MYO6: variants seen among roughly 807,000 people sequenced by gnomAD.
MYO6 encodes the protein unconventional myosin-VI.
A neutral mutation model predicts 178.7 loss-of-function variants in MYO6; 74 were observed. The observed-to-expected ratio is 0.41, with a 90% CI of 0.34 to 0.50. The LOEUF (loss-of-function observed/expected upper bound fraction) is 0.50. Ranked by LOEUF, MYO6 falls within the 20% of genes least tolerant of loss-of-function variation. The pLI, the probability that MYO6 is intolerant of heterozygous loss-of-function variation, is 0.09. For missense variants in MYO6, 1,330 were observed against 1,547.4 expected (o/e 0.86, Z 2.36); for synonymous variants, 477 against 504.6 (o/e 0.95, Z 0.73).
At chr6:75,780,712 A>G (rs897396137) in intron 1 of MYO6, among the ~76,000 whole-genome samples, 1 of 151,968 alleles carries the variant, frequency 6.6e-6, no homozygotes, top group Non-Finnish European at 1.5e-5. Flanking sequence ...ATATTTAATA[A>G]TTCCCTCTAT....
rs10080293 is a variant in MYO6, at chr6:75,890,380, T to C, written c.2867+115T>C. 3.7e-4 allele frequency: 530 copies of C among 1,437,624 alleles called. 3 individuals carry two copies. In the African/African-American group the frequency reaches 6.6e-3, roughly 18 times the overall value. The allele number at this position is 1,437,624 out of a possible 1,614,324, so 89.1% of individuals were successfully genotyped here. A position where few individuals can be genotyped will look rare whatever the true frequency, so the allele number is the denominator to read the frequency against. On this transcript the variant is annotated intron_variant, in intron 26 of 34. Transcript: ENST00000369977. ...TTTTGTTTTTGTGACAGGGTCTTGC[T>C]CTGTTGCCCAGGCTGGAGTGCAGTG...
At chr6:75,882,433 A>AC (rs1778116407) in intron 23 of MYO6, among the ~76,000 whole-genome samples, 2 of 152,100 alleles carry the variant, frequency 1.3e-5, no homozygotes, top group Non-Finnish European at 2.9e-5. Flanking sequence ...GATGTCTTTC[A>AC]AGATCATGTA....
At chr6:75,806,445 CAG>C (rs200279957) in intron 1 of MYO6, among the ~76,000 whole-genome samples, 2,540 of 151,874 alleles carry the variant, frequency 0.017, 67 homozygotes, top group African/African-American at 0.059. Context: ...TTCTTCCAGG[CAG>C]AAGTACATCA....
At chr6:75,809,961 G>A (rs941812997) in intron 1 of MYO6, among the ~76,000 whole-genome samples, 2 of 150,466 alleles carry the variant, frequency 1.3e-5, no homozygotes, top group Admixed American at 6.6e-5. Flanking sequence ...GCAGGTGCCT[G>A]TAGTCCTAGC....
chr6:75,851,534 G>T (rs977128473), intron 11 of MYO6, among the ~76,000 whole-genome samples: 1 of 152,020 alleles, frequency 6.6e-6, no homozygotes, highest in Non-Finnish European at 1.5e-5. Context: ...AGGATATGGT[G>T]GTTCTTGCGT....
chr6:75,867,181 T>G, intron 18 of MYO6, 76 bp downstream of exon 18: 1 of 1,201,748 alleles, frequency 8.3e-7, no homozygotes, highest in Non-Finnish European at 1.2e-6. Flanking sequence ...ATGGATAATG[T>G]AGATCACTGT....
chr6:75,827,652 G>A (rs1772624392), intron 3 of MYO6, among the ~76,000 whole-genome samples: 1 of 152,160 alleles, frequency 6.6e-6, no homozygotes. Flanking sequence ...TGGTATTGGA[G>A]CAGTAGAAAT....
chr6:75,775,224 G>A (rs997630172), intron 1 of MYO6, among the ~76,000 whole-genome samples: 9 of 152,098 alleles, frequency 5.9e-5, no homozygotes, highest in Admixed American at 5.2e-4. Flanking sequence ...TAATCCTCCC[G>A]GGATTTGGGA....
chr6:75,898,067 A>G (rs767992702), intron 29 of MYO6, among the ~76,000 whole-genome samples: 3 of 152,212 alleles, frequency 2.0e-5, no homozygotes. Flanking sequence ...GATTTAGACC[A>G]TGTTATTTGT....
chr6:75,876,531 C>T (rs1463345156), intron 20 of MYO6, among the ~76,000 whole-genome samples: 1 of 152,102 alleles, frequency 6.6e-6, no homozygotes, highest in African/African-American at 2.4e-5. Context: ...ATTTTTTTCC[C>T]CATTGGAATT....
intron 19 of MYO6, among the ~76,000 whole-genome samples, chr6:75,872,003 C>T (rs1777195359): frequency 6.6e-6 from 1 of 151,974 alleles, no homozygotes; most frequent in African/African-American, 2.4e-5. Flanking sequence ...GTGGGGCGCA[C>T]TTGTAATCCT....
At chr6:75,879,471 G>A (rs1410854519) in intron 20 of MYO6, among the ~76,000 whole-genome samples, 1 of 148,282 alleles carries the variant, frequency 6.7e-6, no homozygotes, top group Non-Finnish European at 1.5e-5. Context: ...TGCCCAGGCT[G>A]GTCTTGAACT....
In MYO6 at chr6:75,846,036, A is replaced by G. The variant is rs2150270217; in HGVS notation, c.897+1059A>G. ...ATTGTAGTTCTGTTTAAAACATCAT[A>G]TTTATGTAATATATTATGAAAAATT... On this transcript the variant is annotated intron_variant, in intron 10 of 34. Coordinates refer to ENST00000369977, the MANE Select transcript of MYO6 (RefSeq NM_004999.4). Among the ~76,000 whole-genome samples, 2 of 151,810 alleles carry G rather than the reference A, an allele frequency of 1.3e-5. 1 individual carries two copies. The highest frequency in any genetic ancestry group is 4.8e-5 in the African/African-American group (2 of 41,516).
Position 75,817,801 on chromosome 6 carries a change from T to A in MYO6, c.117+137T>A, listed in dbSNP as rs1010596744. 1.1e-5 allele frequency: 9 copies of A among 783,568 alleles called. No homozygotes were observed. In the African/African-American group the frequency reaches 1.4e-4, roughly 12 times the overall value. 48.5% of individuals were successfully genotyped at this position (783,568 alleles called of 1,614,324 possible). On this transcript the variant is annotated intron_variant, in intron 2 of 34. Transcript: ENST00000369977. ...TCTGGTAAGTGAGTCTGTTTTCTCC[T>A]GACTTCTTTGATTAAATCAGAGGTA...
chr6:75,844,543 A>G (rs1774544574), intron 9 of MYO6, among the ~76,000 whole-genome samples: 1 of 152,116 alleles, frequency 6.6e-6, no homozygotes, highest in Non-Finnish European at 1.5e-5. Context: ...GAGATTCTAC[A>G]TATTTAGTAG....
intron 18 of MYO6, among the ~76,000 whole-genome samples, chr6:75,869,502 C>A (rs192415722): frequency 6.6e-6 from 1 of 152,222 alleles, no homozygotes; most frequent in Non-Finnish European, 1.5e-5. Flanking sequence ...CAGTACCTGA[C>A]TTATAGATGA....
At chr6:75,779,951 A>G (rs189248619) in intron 1 of MYO6, among the ~76,000 whole-genome samples, 69 of 152,126 alleles carry the variant, frequency 4.5e-4, no homozygotes, top group African/African-American at 1.5e-3. Context: ...TTCTTGCCCT[A>G]TATCTTACTG....
chr6:75,845,340 A>G (rs1357854281), intron 10 of MYO6, among the ~76,000 whole-genome samples: 3 of 152,158 alleles, frequency 2.0e-5, no homozygotes, highest in Admixed American at 6.5e-5. Context: ...TTTATTGTCT[A>G]TTTCAAGGCT....
intron 30 of MYO6, among the ~76,000 whole-genome samples, chr6:75,899,154 T>A (rs1033738667): frequency 6.6e-6 from 1 of 152,138 alleles, no homozygotes; most frequent in Non-Finnish European, 1.5e-5. Flanking sequence ...GATGCTATGT[T>A]TTTTAGTAGA....
Sources: gnomAD v4.1 joint callset for allele counts (sites outside exome capture counted in the v4.1 genomes callset) on GRCh38, gnomAD v4.1.1 for gene constraint, MANE v1.5 for transcripts, NCBI Gene and HGNC (gene_info 2026-07-23, HGNC 2026-07-21) for gene names.